Variants in NEMP1 observed in about 807,000 individuals in gnomAD.
NEMP1 encodes the protein transmembrane protein 194.
A neutral mutation model predicts 53.7 loss-of-function variants in NEMP1; 29 were observed. The ratio of observed to expected loss-of-function variants is 0.54; its 90% CI spans 0.40 to 0.74. The LOEUF is 0.74. Ranked by LOEUF, NEMP1 falls within the 30% of genes least tolerant of loss-of-function variation. NEMP1 has a pLI of 0.00. For synonymous variants in NEMP1, 193 were observed against 192.9 expected (o/e 1.00, Z 0.00); for missense variants, 477 against 528.6 (o/e 0.90, Z 0.96).
At chr12:57,069,180 G>A (rs766538281) in intron 4 of NEMP1, 54 bp downstream of exon 4, 52 of 1,273,264 alleles carry the variant, frequency 4.1e-5, no homozygotes, top group Non-Finnish European at 5.1e-5. Flanking sequence ...ACTATAAAAC[G>A]CAGGCAGGAT....
At chr12:57,067,955 G>C (rs1412876726) in intron 4 of NEMP1, among the ~76,000 whole-genome samples, 1 of 151,778 alleles carries the variant, frequency 6.6e-6, no homozygotes, top group Non-Finnish European at 1.5e-5. Flanking sequence ...TTTTTTTGTA[G>C]AGGCAGGGTC....
chr12:57,076,402 G>A (rs149506865), intron 1 of NEMP1, among the ~76,000 whole-genome samples: 5 of 152,034 alleles, frequency 3.3e-5, no homozygotes, highest in African/African-American at 1.2e-4. Flanking sequence ...GGTGGCTCAC[G>A]CCTGTAATCC....
rs2031619899 is a variant in NEMP1, at chr12:57,058,170, G to C, written c.*1709C>G. On this transcript the variant is annotated 3_prime_UTR_variant, in exon 9 of 9. Transcript: ENST00000300128. Reference sequence around the variant, plus strand: ...TGTCTCTTTCCTGCCAACTGAGGTAGTTGTCACTTAGGACAGTTTAAGGCT... The same window carrying C: ...TGTCTCTTTCCTGCCAACTGAGGTACTTGTCACTTAGGACAGTTTAAGGCT... The C allele has an allele frequency of 7.2e-6, 1 of 138,208 alleles. No individual in the cohort carries two copies. Among genetic ancestry groups the C allele is most frequent in the Admixed American group, 6.9e-5 (1 of 14,430 alleles). 8.6% of individuals were successfully genotyped at this position (138,208 alleles called of 1,614,324 possible).
chr12:57,087,337 C>A (rs928801798), intron 1 of NEMP1, among the ~76,000 whole-genome samples: 1 of 151,610 alleles, frequency 6.6e-6, no homozygotes, highest in Non-Finnish European at 1.5e-5. Flanking sequence ...CGAGCAGAGG[C>A]TGCGTGGGCG....
chr12:57,081,993 C>T (rs908469547), upstream of NEMP1, among the ~76,000 whole-genome samples: 43 of 151,470 alleles, frequency 2.8e-4, no homozygotes, highest in African/African-American at 1.0e-3. Context: ...CCAAGGCGGG[C>T]GAATCACGAG....
chr12:57,070,923 A>T lies in NEMP1; in HGVS notation c.253-30T>A, dbSNP rs745976078. 8 of 1,546,810 alleles carry T rather than the reference A, an allele frequency of 5.2e-6. No individual in the cohort carries two copies. The East Asian group carries it at 6.8e-5, about 13-fold the overall frequency. Reference sequence around the variant, plus strand: ...AACACAAATAAAATCAGGATGAGAAAAAAGGAAGTAGGAATTTTAATTTTT... The same window carrying T: ...AACACAAATAAAATCAGGATGAGAATAAAGGAAGTAGGAATTTTAATTTTT... On this transcript the variant is annotated intron_variant, in intron 2 of 8. Coordinates refer to ENST00000300128, the MANE Select transcript of NEMP1 (RefSeq NM_001130963.2).
At chr12:57,081,977 G>GGGA (rs1281055206), upstream of NEMP1, among the ~76,000 whole-genome samples, 3 of 151,788 alleles carry the variant, frequency 2.0e-5, no homozygotes, top group Admixed American at 6.6e-5. Flanking sequence ...CCAGCACTTT[G>GGGA]GGAGGCCAAG....
At chr12:57,075,279 T>C (rs986605588) in intron 1 of NEMP1, among the ~76,000 whole-genome samples, 8 of 150,378 alleles carry the variant, frequency 5.3e-5, no homozygotes, top group Admixed American at 2.7e-4. Context: ...TCCCAGCTAC[T>C]TGGGAGGCTG....
At position 57,060,925 on chromosome 12, in the gene NEMP1, T is replaced by G. The variant is rs751554448; in HGVS notation, c.1001A>C (p.Glu334Ala). Residue 334 changes from glutamate to alanine, a missense_variant, in exon 8 of 9, where the codon GAA becomes GCA. By Grantham distance (107) the Glu-to-Ala change is moderately radical (BLOSUM62 -1). Transcript: ENST00000300128. ...CAGGAGACGAGGGGGAACAGGCTTT[T>G]CTGCTCCCTTACACACCTTTCTGTG... is the stretch of plus-strand genomic sequence containing the variant. ...ITCRKVCKGA[E>A]KPVPPRLLTE... 3.1e-6 allele frequency: 5 copies of G among 1,613,988 alleles called. No homozygotes were observed. Among genetic ancestry groups the G allele is most frequent in the Non-Finnish European group, 4.2e-6 (5 of 1,179,974 alleles).
chr12:57,086,987 A>C (rs1367533090), intron 1 of NEMP1, among the ~76,000 whole-genome samples: 3 of 152,230 alleles, frequency 2.0e-5, no homozygotes, highest in Admixed American at 6.5e-5. Flanking sequence ...ACAAAGACAC[A>C]AACACCCGGT....
At chr12:57,088,527 C>A (rs934827718), upstream of NEMP1, among the ~76,000 whole-genome samples, 1 of 152,238 alleles carries the variant, frequency 6.6e-6, no homozygotes, top group Non-Finnish European at 1.5e-5. Context: ...AACATTCACA[C>A]GTCCAGCACC....
chr12:57,072,662 A>G, intron 2 of NEMP1, 126 bp downstream of exon 2: 1 of 1,052,378 alleles, frequency 9.5e-7, no homozygotes, highest in African/African-American at 1.6e-5. Flanking sequence ...GATAATCTCA[A>G]CCCTAACAAG....
At chr12:57,081,494 C>T (rs189180624), upstream of NEMP1, among the ~76,000 whole-genome samples, 29 of 152,114 alleles carry the variant, frequency 1.9e-4, no homozygotes, top group African/African-American at 4.8e-4. Context: ...TTGCCCGCCT[C>T]GGCCTCCCGA....
intron 1 of NEMP1, among the ~76,000 whole-genome samples, chr12:57,073,739 C>T (rs1303192804): frequency 6.6e-6 from 1 of 152,086 alleles, no homozygotes; most frequent in Non-Finnish European, 1.5e-5. Flanking sequence ...TCTCATAATC[C>T]CTATTTTATA....
intron 4 of NEMP1, among the ~76,000 whole-genome samples, chr12:57,065,521 C>CT (rs548466246): frequency 0.013 from 1,754 of 134,960 alleles, 24 homozygotes; most frequent in African/African-American, 0.034. Flanking sequence ...CTTGGTTCAT[C>CT]TTTTTTTTTT....
At chr12:57,062,801 G>A (rs879801008) in intron 7 of NEMP1, among the ~76,000 whole-genome samples, 2 of 151,948 alleles carry the variant, frequency 1.3e-5, no homozygotes, top group Admixed American at 6.5e-5. Flanking sequence ...CCGAGATCAC[G>A]CCACTGCACT....
Position 57,059,324 on chromosome 12 carries a change from T to C in NEMP1, c.*555A>G, listed in dbSNP as rs1250549220. On this transcript the variant is annotated 3_prime_UTR_variant, in exon 9 of 9. Transcript: ENST00000300128. ...ACTTGCTGGTTCTGGAACATGAGTT[T>C]GTTATGTTTTTTAAAAGACATTCAT... 1.3e-5 allele frequency: 2 copies of C among 152,356 alleles called. No homozygotes were observed. The highest frequency in any genetic ancestry group is 2.9e-5 in the Non-Finnish European group (2 of 68,118). 9.4% of individuals were successfully genotyped at this position (152,356 alleles called of 1,614,324 possible).
intron 1 of NEMP1, among the ~76,000 whole-genome samples, chr12:57,084,164 T>C (rs1044155406): frequency 3.3e-5 from 5 of 152,234 alleles, no homozygotes; most frequent in Non-Finnish European, 7.3e-5. Context: ...GGTTTCGCTA[T>C]GTTGGCCGGC....
chr12:57,078,211 G>A (rs931588207), intron 1 of NEMP1, among the ~76,000 whole-genome samples: 2 of 152,204 alleles, frequency 1.3e-5, no homozygotes, highest in African/African-American at 4.8e-5. Context: ...CTCAGATGGT[G>A]TTTGCTGATT....
Sources: gnomAD v4.1 joint callset for allele counts (sites outside exome capture counted in the v4.1 genomes callset) on GRCh38, gnomAD v4.1.1 for gene constraint, MANE v1.5 for transcripts, NCBI Gene and HGNC (gene_info 2026-07-23, HGNC 2026-07-21) for gene names.